Variants in HIVEP3 observed in about 807,000 individuals in gnomAD.
The protein encoded by HIVEP3 is transcription factor HIVEP3.
Under a neutral mutation model 152.8 loss-of-function variants are expected in HIVEP3, and 49 were observed. That is an observed-to-expected ratio of 0.32 (90% CI 0.26 to 0.41). The LOEUF (loss-of-function observed/expected upper bound fraction) is 0.41, where lower values mean the gene tolerates loss of function less well. HIVEP3 is among the 10% of genes least tolerant of loss of function. HIVEP3 has a pLI of 1.00. For synonymous variants in HIVEP3, 1,269 were observed against 1,289.0 expected, an observed-to-expected ratio of 0.98 and a Z score of 0.33; for missense variants, 2,790 against 3,103.3, an observed-to-expected ratio of 0.90 and a Z score of 2.40.
chr1:41,806,294 C>T (rs1650604675), intron 1 of HIVEP3, among the ~76,000 whole-genome samples: 1 of 152,198 alleles, frequency 6.6e-6, no homozygotes, highest in Admixed American at 6.5e-5. Context: ...GAGACCCAGC[C>T]ACGGATCAAC....
chr1:41,937,394 T>A (rs995403133), intron 1 of HIVEP3, among the ~76,000 whole-genome samples: 1 of 152,154 alleles, frequency 6.6e-6, no homozygotes, highest in African/African-American at 2.4e-5. Flanking sequence ...AAGAAACTTT[T>A]GCTCAGACTT....
intron 1 of HIVEP3, among the ~76,000 whole-genome samples, chr1:41,971,831 CAG>C (rs1557544699): frequency 6.6e-6 from 1 of 152,170 alleles, no homozygotes; most frequent in Non-Finnish European, 1.5e-5. Flanking sequence ...TAGACCATGA[CAG>C]CTCTGCTGTC....
intron 1 of HIVEP3, among the ~76,000 whole-genome samples, chr1:41,836,262 A>G (rs1232130593): frequency 6.6e-6 from 1 of 152,216 alleles, no homozygotes; most frequent in East Asian, 1.9e-4. Flanking sequence ...AGCCAATCCA[A>G]GCAGACTGTC....
chr1:41,904,667 C>G (rs184912890), intron 1 of HIVEP3, among the ~76,000 whole-genome samples: 4 of 152,276 alleles, frequency 2.6e-5, no homozygotes, highest in Admixed American at 2.0e-4. Context: ...TACTTTATGC[C>G]CCACTTTGGT....
intron 1 of HIVEP3, among the ~76,000 whole-genome samples, chr1:41,822,007 T>A (rs1035114533): frequency 6.6e-6 from 1 of 152,202 alleles, no homozygotes; most frequent in African/African-American, 2.4e-5. Flanking sequence ...CGAAATGCAG[T>A]GTCTTAAAAT....
At chr1:42,019,380 A>C (rs896883672) in intron 1 of HIVEP3, among the ~76,000 whole-genome samples, 4 of 152,008 alleles carry the variant, frequency 2.6e-5, no homozygotes, top group African/African-American at 9.7e-5. Context: ...AACATGGTAT[A>C]TCTTTCCATC....
intron 1 of HIVEP3, among the ~76,000 whole-genome samples, chr1:41,897,943 GA>G (rs1644558138): frequency 2.1e-5 from 2 of 94,750 alleles, no homozygotes; most frequent in East Asian, 6.3e-4. Context: ...GAGAGGGAGA[GA>G]GAGAGAGAGA....
In HIVEP3 at chr1:41,822,998, T is replaced by C. The variant is rs554492659; in HGVS notation, c.-801+95415A>G. ...GAAGTCCTAACTCTCAATGTGACTT[T>C]ATCTAGAGAAAGGCTCTTAAGGAAG... On this transcript the variant is annotated intron_variant, in intron 1 of 8. Transcript: ENST00000372583. Among the ~76,000 whole-genome samples, 4 of 152,372 alleles carry C rather than the reference T, an allele frequency of 2.6e-5. No individual in the cohort carries two copies. The South Asian group carries it at 6.2e-4, about 24-fold the overall frequency.
intron 1 of HIVEP3, among the ~76,000 whole-genome samples, chr1:41,742,747 T>A (rs1019955696): frequency 6.6e-6 from 1 of 152,206 alleles, no homozygotes; most frequent in African/African-American, 2.4e-5. Flanking sequence ...CACTTCCCAC[T>A]TTAGCTTCTC....
intron 5 of HIVEP3, among the ~76,000 whole-genome samples, chr1:41,548,914 C>T (rs1218396395): frequency 1.3e-5 from 2 of 151,986 alleles, no homozygotes; most frequent in African/African-American, 4.8e-5. Flanking sequence ...GGTACATGTA[C>T]ACTAAGTGCA....
chr1:41,619,474 T>C (rs1025938819), intron 3 of HIVEP3, among the ~76,000 whole-genome samples: 3 of 152,174 alleles, frequency 2.0e-5, no homozygotes, highest in Non-Finnish European at 4.4e-5. Flanking sequence ...AGTGACGATA[T>C]GTTTGTCTAT....
intron 1 of HIVEP3, among the ~76,000 whole-genome samples, chr1:41,891,126 G>A (rs1490977713): frequency 6.6e-6 from 1 of 152,120 alleles, no homozygotes; most frequent in African/African-American, 2.4e-5. Context: ...GGCCTGATCT[G>A]ATCTTTTTCC....
chr1:41,607,346 T>C (rs986681712), intron 3 of HIVEP3, among the ~76,000 whole-genome samples: 3 of 152,258 alleles, frequency 2.0e-5, no homozygotes, highest in African/African-American at 7.2e-5. Flanking sequence ...CTGGTCTTCA[T>C]GCATATCCAT....
intron 2 of HIVEP3, among the ~76,000 whole-genome samples, chr1:41,695,548 G>T (rs958123626): frequency 2.0e-5 from 3 of 152,290 alleles, no homozygotes; most frequent in East Asian, 3.9e-4. Flanking sequence ...TTCCAATCAG[G>T]AGGTGAATCA....
intron 8 of HIVEP3, 90 bp downstream of exon 8, chr1:41,512,726 G>T: frequency 9.4e-7 from 1 of 1,060,992 alleles, no homozygotes; most frequent in Non-Finnish European, 1.3e-6. Flanking sequence ...GAGCTGTTTA[G>T]TTCCAGGTGT....
intron 1 of HIVEP3, among the ~76,000 whole-genome samples, chr1:41,739,766 G>T (rs1646970415): frequency 6.6e-6 from 1 of 152,200 alleles, no homozygotes; most frequent in Non-Finnish European, 1.5e-5. Context: ...TCACAGATGA[G>T]AAAAACTGAG....
chr1:41,628,268 C>T (rs142873764), intron 3 of HIVEP3, among the ~76,000 whole-genome samples: 1,758 of 152,312 alleles, frequency 0.012, 42 homozygotes, highest in African/African-American at 0.041. Flanking sequence ...GGACTGAAGA[C>T]CTGCTGCTAT....
At position 41,810,067 on chromosome 1, in the gene HIVEP3, G is replaced by C. The variant is rs146805890; in HGVS notation, c.-801+108346C>G. On this transcript the variant is annotated intron_variant, in intron 1 of 8. Coordinates refer to ENST00000372583, the MANE Select transcript of HIVEP3 (RefSeq NM_024503.5). Reference sequence around the variant, plus strand: ...CCTGACTGGCATAAAACTTAATCAGGCTCCAGTGTTCAGGGCCAAAAGCCA... The same window carrying C: ...CCTGACTGGCATAAAACTTAATCAGCCTCCAGTGTTCAGGGCCAAAAGCCA... Among the ~76,000 whole-genome samples the C allele has an allele frequency of 3.1e-4, 47 of 152,202 alleles. 2 individuals are homozygous for C. In the East Asian group the frequency reaches 7.5e-3, roughly 24 times the overall value.
chr1:41,977,682 G>C (rs572198488), intron 1 of HIVEP3, among the ~76,000 whole-genome samples: 2 of 152,322 alleles, frequency 1.3e-5, no homozygotes, highest in South Asian at 4.1e-4. Flanking sequence ...AACATACAAG[G>C]ACAGTGCTGT....
Sources: gnomAD v4.1 joint callset for allele counts (sites outside exome capture counted in the v4.1 genomes callset) on GRCh38, gnomAD v4.1.1 for gene constraint, MANE v1.5 for transcripts, NCBI Gene and HGNC (gene_info 2026-07-23, HGNC 2026-07-21) for gene names.